NEO1: variants seen among roughly 807,000 people sequenced by gnomAD.
NEO1 encodes the protein neogenin 1, also known as neogenin.
In NEO1, 63 loss-of-function variants were observed where a neutral mutation model predicts 159.7. That is an observed-to-expected ratio of 0.39 (90% CI 0.32 to 0.49). The LOEUF (loss-of-function observed/expected upper bound fraction) is 0.49. NEO1 is among the 20% of genes least tolerant of loss of function. The pLI is 0.85. For synonymous variants in NEO1, 633 were observed against 662.0 expected, an observed-to-expected ratio of 0.96 and a Z score of 0.67; for missense variants, 1,615 against 1,831.0, an observed-to-expected ratio of 0.88 and a Z score of 2.15.
chr15:73,068,745 A>G (rs565820869), intron 1 of NEO1, among the ~76,000 whole-genome samples: 1 of 152,130 alleles, frequency 6.6e-6, no homozygotes, highest in African/African-American at 2.4e-5. Flanking sequence ...GGTTAAATGC[A>G]TGAGCTTAGT....
At chr15:73,120,326 G>A (rs1159570144) in intron 2 of NEO1, among the ~76,000 whole-genome samples, 1 of 150,156 alleles carries the variant, frequency 6.7e-6, no homozygotes, top group Non-Finnish European at 1.5e-5. Flanking sequence ...GGGAGCTCAA[G>A]GTAAAAAAGC....
At chr15:73,282,888 A>C in intron 22 of NEO1, 76 bp from the exon 23 acceptor site, 1 of 1,514,068 alleles carries the variant, frequency 6.6e-7, no homozygotes. Context: ...GTGAGATATT[A>C]ATGGTTCTGT....
intron 1 of NEO1, among the ~76,000 whole-genome samples, chr15:73,058,148 A>G (rs1459851252): frequency 6.6e-6 from 1 of 152,216 alleles, no homozygotes; most frequent in Non-Finnish European, 1.5e-5. Flanking sequence ...ACCATTATTT[A>G]AAATGTGTGT....
In NEO1 at chr15:73,119,816, C is replaced by T. The variant is rs141690558; in HGVS notation, c.449-2709C>T. ...AAAATTATTAATTTTCATGAGACCTCAGGAGGAAGAATTTTTTGACTCTTT... is the reference window on the plus strand; with the variant it reads ...AAAATTATTAATTTTCATGAGACCTTAGGAGGAAGAATTTTTTGACTCTTT... On this transcript the variant is annotated intron_variant, in intron 2 of 28. Transcript: ENST00000261908. 6.4e-3 allele frequency among the ~76,000 whole-genome samples: 969 copies of T among 152,258 alleles called. 10 individuals carry two copies. The highest frequency in any genetic ancestry group is 0.022 in the African/African-American group (928 of 41,540).
At chr15:73,072,000 A>C (rs973820574) in intron 1 of NEO1, among the ~76,000 whole-genome samples, 4 of 151,936 alleles carry the variant, frequency 2.6e-5, no homozygotes, top group Non-Finnish European at 4.4e-5. Context: ...ACCCAGGCTG[A>C]AGTGCAATGG....
At chr15:73,053,786 C>A (rs2067574340) in intron 1 of NEO1, among the ~76,000 whole-genome samples, 1 of 152,132 alleles carries the variant, frequency 6.6e-6, no homozygotes, top group Non-Finnish European at 1.5e-5. Flanking sequence ...AGGTGGTGTA[C>A]CATAAAACTT....
intron 1 of NEO1, among the ~76,000 whole-genome samples, chr15:73,068,956 CTTTTT>C (rs35031912): frequency 7.4e-6 from 1 of 135,986 alleles, no homozygotes; most frequent in African/African-American, 2.8e-5. Context: ...TAGAGTGGGG[CTTTTT>C]TTTTTTTTTT....
intron 16 of NEO1, 132 bp downstream of exon 16, chr15:73,266,543 G>A: frequency 1.8e-6 from 1 of 551,658 alleles, no homozygotes; most frequent in South Asian, 4.7e-5. Context: ...ACTTCAAATG[G>A]GAAAGTGGGC....
intron 27 of NEO1, among the ~76,000 whole-genome samples, chr15:73,300,656 G>A (rs554032167): frequency 3.3e-5 from 5 of 152,278 alleles, no homozygotes; most frequent in South Asian, 2.1e-4. Flanking sequence ...ACTTGAACCC[G>A]GGAGGTGGAG....
chr15:73,217,108 A>C (rs2037937118), intron 7 of NEO1, among the ~76,000 whole-genome samples: 1 of 151,900 alleles, frequency 6.6e-6, no homozygotes, highest in Admixed American at 6.6e-5. Context: ...ATTTTTGTAT[A>C]AGGTGTAAGG....
At chr15:73,060,589 T>C (rs1176679372) in intron 1 of NEO1, among the ~76,000 whole-genome samples, 1 of 151,548 alleles carries the variant, frequency 6.6e-6, no homozygotes, top group African/African-American at 2.4e-5. Context: ...GTTTTAAATT[T>C]ATAGAGTGTT....
At chr15:73,151,448 T>G (rs902992600) in intron 5 of NEO1, among the ~76,000 whole-genome samples, 1 of 152,194 alleles carries the variant, frequency 6.6e-6, no homozygotes, top group Non-Finnish European at 1.5e-5. Flanking sequence ...TAGCTATTAT[T>G]TATTTGTGAG....
At chr15:73,134,358 C>T (rs887197188) in intron 4 of NEO1, among the ~76,000 whole-genome samples, 1 of 152,166 alleles carries the variant, frequency 6.6e-6, no homozygotes, top group African/African-American at 2.4e-5. Context: ...GTCACCAAAT[C>T]TGATTCTGGC....
intron 21 of NEO1, among the ~76,000 whole-genome samples, chr15:73,276,446 T>C (rs2041429651): frequency 2.0e-5 from 3 of 152,208 alleles, no homozygotes; most frequent in Admixed American, 2.0e-4. Flanking sequence ...GACTTTGTCA[T>C]AGTGAAAAGC....
At chr15:73,205,905 AT>A (rs1038026649) in intron 7 of NEO1, among the ~76,000 whole-genome samples, 2 of 151,380 alleles carry the variant, frequency 1.3e-5, no homozygotes, top group Admixed American at 6.6e-5. Flanking sequence ...AACATCTGTA[AT>A]TTTTTTTTTG....
chr15:73,108,962 G>C (rs1255311833), intron 1 of NEO1, among the ~76,000 whole-genome samples: 1 of 152,154 alleles, frequency 6.6e-6, no homozygotes, highest in Non-Finnish European at 1.5e-5. Context: ...GATTAGGTTG[G>C]AGAGAGGCAG....
In NEO1 at chr15:73,094,130, G is replaced by T. The variant is rs556017448; in HGVS notation, c.131-22410G>T. On this transcript the variant is annotated intron_variant, in intron 1 of 28. Transcript: ENST00000261908. ...CCACCTATTTAAAATGTGCAACTCA[G>T]TAGCTTTTGATATATTCACAGATGT... Among the ~76,000 whole-genome samples, 12 of 152,128 alleles carry T rather than the reference G, an allele frequency of 7.9e-5. No individual in the cohort carries two copies. The East Asian group carries it at 1.5e-3, about 20-fold the overall frequency.
At chr15:73,131,387 CCT>C (rs1362975022) in intron 4 of NEO1, among the ~76,000 whole-genome samples, 9 of 152,226 alleles carry the variant, frequency 5.9e-5, no homozygotes, top group African/African-American at 1.9e-4. Context: ...AAAAAATTTA[CCT>C]CTCTTTCAAA....
intron 5 of NEO1, among the ~76,000 whole-genome samples, chr15:73,148,660 T>TA (rs2033121436): frequency 6.6e-6 from 1 of 152,196 alleles, no homozygotes; most frequent in Non-Finnish European, 1.5e-5. Flanking sequence ...GCAGCACAGT[T>TA]ACCCTCAGTT....
Sources: allele counts gnomAD v4.1 joint callset (sites outside exome capture counted in the v4.1 genomes callset), GRCh38; gene constraint gnomAD v4.1.1; transcripts MANE v1.5; gene names NCBI Gene and HGNC (gene_info 2026-07-23, HGNC 2026-07-21).